Variants in APBB2 observed in about 807,000 individuals in gnomAD.
APBB2 encodes amyloid beta precursor protein binding family B member 2.
APBB2 carries 38 observed loss-of-function variants against 82.5 expected under a neutral mutation model. The observed-to-expected ratio is 0.46, with a 90% CI of 0.36 to 0.60. APBB2 has a LOEUF of 0.60. APBB2 is among the 20% of genes least tolerant of loss of function. The pLI is 0.00. For synonymous variants in APBB2, 341 were observed against 368.2 expected (o/e 0.93, Z 0.85); for missense variants, 772 against 972.3 (o/e 0.79, Z 2.74).
chr4:41,004,993 T>C (rs541286849), intron 6 of APBB2, among the ~76,000 whole-genome samples: 51 of 152,296 alleles, frequency 3.3e-4, no homozygotes, highest in African/African-American at 1.2e-3. Flanking sequence ...TGAAAAATCA[T>C]GGTAAAGTTA....
At chr4:40,991,657 A>AAC (rs746019493) in intron 6 of APBB2, among the ~76,000 whole-genome samples, 12 of 151,936 alleles carry the variant, frequency 7.9e-5, no homozygotes, top group Non-Finnish European at 1.2e-4. Flanking sequence ...AAGAAAGAAA[A>AAC]ACACACACAC....
intron 3 of APBB2, among the ~76,000 whole-genome samples, chr4:41,098,476 G>T (rs1015406346): frequency 6.6e-6 from 1 of 152,116 alleles, no homozygotes; most frequent in Admixed American, 6.6e-5. Flanking sequence ...GAGCCACGGC[G>T]TCTGGCCTTA....
At position 40,832,007 on chromosome 4, in the gene APBB2, T is replaced by C. The variant is rs1363566800; in HGVS notation, c.1530-1430A>G. 8.3e-5 allele frequency among the ~76,000 whole-genome samples: 2 copies of C among 24,086 alleles called. No individual in the cohort carries two copies. Among genetic ancestry groups the C allele is most frequent in the African/African-American group, 1.6e-4 (1 of 6,216 alleles). The allele number at this position is 24,086 out of a possible 152,430, so 15.8% of individuals were successfully genotyped here. Reference sequence around the variant, plus strand: ...ACACACACACATATTTATATATTTATTTATATACACACACACACACACACA... The same window carrying C: ...ACACACACACATATTTATATATTTACTTATATACACACACACACACACACA... On this transcript the variant is annotated intron_variant, in intron 12 of 17. Coordinates refer to ENST00000508593, the MANE Select transcript of APBB2 (RefSeq NM_004307.2). The surrounding 1 kb of genome is among the most constrained non-coding windows in gnomAD (Gnocchi z 4.8).
rs1036802708 is a variant in APBB2, at chr4:41,016,563, A to G, written c.20-2165T>C. Among the ~76,000 whole-genome samples the G allele has an allele frequency of 5.9e-5, 9 of 152,226 alleles. No individual in the cohort carries two copies. The East Asian group carries it at 1.7e-3, about 29-fold the overall frequency. On this transcript the variant is annotated intron_variant, in intron 5 of 17. Transcript: ENST00000508593. ...GTACTCAGGAGGCTGAGGCAGGAGA[A>G]TCGCTTGAACTCGGGAGGTAGAGGT...
chr4:41,196,096 T>C, intron 1 of APBB2, among the ~76,000 whole-genome samples: 2 of 151,788 alleles, frequency 1.3e-5, no homozygotes, highest in African/African-American at 4.8e-5. Flanking sequence ...GAGGCGGAGC[T>C]TGCAGTGAGC....
At chr4:41,161,085 G>A (rs1000084056) in intron 1 of APBB2, among the ~76,000 whole-genome samples, 1 of 144,998 alleles carries the variant, frequency 6.9e-6, no homozygotes, top group East Asian at 2.0e-4. Flanking sequence ...ATGATATGAT[G>A]CCTCTTTGCT....
intron 5 of APBB2, 95 bp from the exon 6 acceptor site, chr4:41,014,493 A>C: frequency 8.4e-7 from 1 of 1,185,522 alleles, no homozygotes; most frequent in Non-Finnish European, 1.2e-6. Flanking sequence ...TAAAAGAAGA[A>C]ATGCTTCCAC....
At chr4:41,049,441 C>CTG (rs1281303911) in intron 4 of APBB2, among the ~76,000 whole-genome samples, 167 of 149,912 alleles carry the variant, frequency 1.1e-3, no homozygotes, top group Non-Finnish European at 1.4e-3. Flanking sequence ...GCCCGGCCAG[C>CTG]CAACCCCTCC....
intron 1 of APBB2, among the ~76,000 whole-genome samples, chr4:41,200,737 A>G (rs756375970): frequency 6.6e-6 from 1 of 152,238 alleles, no homozygotes; most frequent in Non-Finnish European, 1.5e-5. Context: ...AGCTACAATT[A>G]CAACCAAATA....
At position 41,061,618 on chromosome 4, in the gene APBB2, A is replaced by C. The variant is rs752265745; in HGVS notation, c.-51+3958T>G. ...TGTACATGCAGTCCATCATAGATTGAAACATTGTTATGTGGCACATGACTC... is the reference window on the plus strand; with the variant it reads ...TGTACATGCAGTCCATCATAGATTGCAACATTGTTATGTGGCACATGACTC... On this transcript the variant is annotated intron_variant, in intron 4 of 17. Transcript: ENST00000508593. 2.0e-4 allele frequency among the ~76,000 whole-genome samples: 30 copies of C among 152,254 alleles called. 1 individual carries two copies. Among genetic ancestry groups the C allele is most frequent in the Non-Finnish European group, 3.8e-4 (26 of 68,042 alleles).
At chr4:41,205,157 C>T (rs1045211717) in intron 1 of APBB2, among the ~76,000 whole-genome samples, 3 of 152,206 alleles carry the variant, frequency 2.0e-5, no homozygotes, top group Non-Finnish European at 4.4e-5. Context: ...ACATAGTCTG[C>T]ATCTTTGCTT....
At chr4:41,086,367 A>T (rs967942979) in intron 3 of APBB2, among the ~76,000 whole-genome samples, 5 of 152,208 alleles carry the variant, frequency 3.3e-5, no homozygotes, top group Non-Finnish European at 5.9e-5. Context: ...TAAAAATAAG[A>T]AAACTACAAG....
Position 40,830,457 on chromosome 4 carries a change from C to T in APBB2, c.1644+6G>A, listed in dbSNP as rs1353902757. ...AGGCGGCCCATACTGCCCTGACCCACCTTACCTTGGAGCAGATCTCGTGGA... is the reference window on the plus strand; with the variant it reads ...AGGCGGCCCATACTGCCCTGACCCATCTTACCTTGGAGCAGATCTCGTGGA... On this transcript the variant is annotated splice_donor_region_variant and intron_variant, in intron 13 of 17. Coordinates refer to ENST00000508593, the MANE Select transcript of APBB2 (RefSeq NM_004307.2). 4.3e-6 allele frequency: 7 copies of T among 1,609,336 alleles called. No individual in the cohort carries two copies. Among genetic ancestry groups the T allele is most frequent in the Non-Finnish European group, 5.1e-6 (6 of 1,175,746 alleles).
intron 6 of APBB2, among the ~76,000 whole-genome samples, chr4:40,997,242 C>A (rs1803880351): frequency 6.6e-6 from 1 of 152,184 alleles, no homozygotes; most frequent in African/African-American, 2.4e-5. Flanking sequence ...AGCTGCAGCA[C>A]CCGATTAAAG....
At chr4:40,909,412 C>T (rs1170879029) in intron 10 of APBB2, among the ~76,000 whole-genome samples, 4 of 152,184 alleles carry the variant, frequency 2.6e-5, no homozygotes, top group South Asian at 4.1e-4. Context: ...TGACAAACAA[C>T]GATGCAGGCA....
At position 41,015,237 on chromosome 4, in the gene APBB2, C is replaced by T. The variant is rs189494467; in HGVS notation, c.20-839G>A. Among the ~76,000 whole-genome samples, 38 of 152,064 alleles carry T rather than the reference C, an allele frequency of 2.5e-4. No homozygotes were observed. In the East Asian group the frequency reaches 5.0e-3, roughly 20 times the overall value. On this transcript the variant is annotated intron_variant, in intron 5 of 17. Transcript: ENST00000508593. ...CATTTATCTCAAATATTGTTTGCGC[C>T]GTTAGTGATTTATTCTATATGTCTC...
chr4:40,926,761 A>G (rs887717235), intron 10 of APBB2, among the ~76,000 whole-genome samples: 2 of 152,258 alleles, frequency 1.3e-5, no homozygotes, highest in Non-Finnish European at 2.9e-5. Flanking sequence ...GGTGGGCGTG[A>G]CACTTTCCTG....
chr4:41,097,185 G>T (rs1743777018), intron 3 of APBB2, among the ~76,000 whole-genome samples: 1 of 152,194 alleles, frequency 6.6e-6, no homozygotes, highest in Admixed American at 6.5e-5. Flanking sequence ...CAGCTCGGCA[G>T]GAGGAATATG....
At chr4:40,882,181 G>A (rs936061711) in intron 12 of APBB2, among the ~76,000 whole-genome samples, 5 of 152,136 alleles carry the variant, frequency 3.3e-5, no homozygotes, top group African/African-American at 1.2e-4. Context: ...TAACTACAAT[G>A]GCAAAAGGGG....
Sources: gnomAD v4.1 joint callset for allele counts (sites outside exome capture counted in the v4.1 genomes callset) on GRCh38, gnomAD v4.1.1 for gene constraint, Gnocchi (gnomAD v3.1) non-coding constraint, MANE v1.5 for transcripts, NCBI Gene and HGNC (gene_info 2026-07-23, HGNC 2026-07-21) for gene names.